The following ERBB4 variants were observed in gnomAD, a reference collection of about 807,000 sequenced individuals.
The protein encoded by ERBB4 is erb-b2 receptor tyrosine kinase 4, also known as receptor tyrosine-protein kinase erbB-4.
Under a neutral mutation model 158.0 loss-of-function variants are expected in ERBB4, and 42 were observed. That is an observed-to-expected ratio of 0.27 (90% CI 0.21 to 0.34). ERBB4 has a LOEUF of 0.34. ERBB4 is among the 10% of genes least tolerant of loss of function. The pLI is 1.00. For synonymous variants in ERBB4, 583 were observed against 558.7 expected, an observed-to-expected ratio of 1.04 and a Z score of -0.61; for missense variants, 1,333 against 1,624.1, an observed-to-expected ratio of 0.82 and a Z score of 3.08.
intron 1 of ERBB4, among the ~76,000 whole-genome samples, chr2:212,506,995 G>C (rs1007538333): frequency 6.6e-6 from 1 of 152,086 alleles, no homozygotes; most frequent in East Asian, 1.9e-4. Context: ...CAAAGGACAG[G>C]CTGACTGTTT....
chr2:212,441,664 C>T (rs2092256577), intron 1 of ERBB4, among the ~76,000 whole-genome samples: 1 of 151,710 alleles, frequency 6.6e-6, no homozygotes. Flanking sequence ...AATAGGGGCT[C>T]TGCTTTTAAT....
At chr2:211,405,454 T>G (rs1170777819) in intron 25 of ERBB4, among the ~76,000 whole-genome samples, 2 of 152,082 alleles carry the variant, frequency 1.3e-5, no homozygotes, top group Non-Finnish European at 2.9e-5. Context: ...GGACATACCT[T>G]CCCCTAACTC....
At chr2:211,800,407 G>A (rs915356541) in intron 3 of ERBB4, among the ~76,000 whole-genome samples, 1 of 152,110 alleles carries the variant, frequency 6.6e-6, no homozygotes, top group Non-Finnish European at 1.5e-5. Context: ...TGATGGCTGA[G>A]TTGGCTTTTA....
intron 3 of ERBB4, among the ~76,000 whole-genome samples, chr2:211,939,330 A>C (rs1341088220): frequency 6.6e-6 from 1 of 152,092 alleles, no homozygotes; most frequent in African/African-American, 2.4e-5. Context: ...GTTTCCTTAG[A>C]TGTAAAATTA....
At chr2:211,894,229 C>A (rs1292065406) in intron 3 of ERBB4, among the ~76,000 whole-genome samples, 104 of 137,706 alleles carry the variant, frequency 7.6e-4, no homozygotes, top group Admixed American at 2.3e-3. Flanking sequence ...TACTATGCAG[C>A]CATAAAAAAT....
At chr2:211,989,177 G>A (rs1575479794) in intron 2 of ERBB4, among the ~76,000 whole-genome samples, 1 of 151,892 alleles carries the variant, frequency 6.6e-6, no homozygotes, top group East Asian at 1.9e-4. Flanking sequence ...ATTATAATGA[G>A]TTTCTAAAAA....
intron 10 of ERBB4, 28 bp from the exon 11 acceptor site, chr2:211,704,222 T>G: frequency 7.4e-7 from 1 of 1,358,562 alleles, no homozygotes; most frequent in Non-Finnish European, 1.1e-6. Context: ...AAAAAATAAA[T>G]CAGAATATCA....
At chr2:211,648,145 T>C (rs2070845943) in intron 16 of ERBB4, among the ~76,000 whole-genome samples, 1 of 151,872 alleles carries the variant, frequency 6.6e-6, no homozygotes, top group African/African-American at 2.4e-5. Flanking sequence ...AATAAACGTC[T>C]CCAATTTGTT....
At chr2:211,990,861 T>C (rs2082056816) in intron 2 of ERBB4, among the ~76,000 whole-genome samples, 1 of 151,962 alleles carries the variant, frequency 6.6e-6, no homozygotes, top group Non-Finnish European at 1.5e-5. Context: ...AAGTTTAGAT[T>C]TCTTATGTGA....
intron 3 of ERBB4, among the ~76,000 whole-genome samples, chr2:211,845,466 G>A (rs1167147815): frequency 1.3e-5 from 2 of 152,130 alleles, no homozygotes; most frequent in Non-Finnish European, 2.9e-5. Flanking sequence ...CTTCATTGCT[G>A]TTTTTGGTAC....
intron 25 of ERBB4, among the ~76,000 whole-genome samples, chr2:211,418,321 C>G (rs1380225515): frequency 6.6e-6 from 1 of 151,946 alleles, no homozygotes; most frequent in African/African-American, 2.4e-5. Context: ...GTAAAAGTTA[C>G]GTAAAGCCAG....
At chr2:212,497,056 T>C (rs557738082) in intron 1 of ERBB4, among the ~76,000 whole-genome samples, 7 of 151,402 alleles carry the variant, frequency 4.6e-5, no homozygotes, top group Non-Finnish European at 7.4e-5. Context: ...CATGCGCCTG[T>C]AATCCCAGCT....
At chr2:212,187,811 A>G (rs1466692478) in intron 1 of ERBB4, among the ~76,000 whole-genome samples, 6 of 152,146 alleles carry the variant, frequency 3.9e-5, no homozygotes, top group Non-Finnish European at 8.8e-5. Context: ...TTTCAGAGAC[A>G]TGAGTGATCT....
intron 3 of ERBB4, among the ~76,000 whole-genome samples, chr2:211,922,947 G>T (rs993994934): frequency 1.3e-5 from 2 of 152,126 alleles, no homozygotes; most frequent in African/African-American, 2.4e-5. Context: ...TTGTGAGATT[G>T]TGAATAAATG....
chr2:211,874,780 G>A (rs1156282416), intron 3 of ERBB4, among the ~76,000 whole-genome samples: 1 of 152,058 alleles, frequency 6.6e-6, no homozygotes, highest in Non-Finnish European at 1.5e-5. Context: ...TGAGGCATTT[G>A]TTTTTCATTT....
At chr2:212,490,794 A>G (rs1319825803) in intron 1 of ERBB4, among the ~76,000 whole-genome samples, 2 of 151,864 alleles carry the variant, frequency 1.3e-5, no homozygotes, top group Non-Finnish European at 3.0e-5. Context: ...GCCCTTGCAT[A>G]GTTTATGTTA....
At chr2:212,156,750 T>G (rs912778251) in intron 1 of ERBB4, among the ~76,000 whole-genome samples, 1 of 152,140 alleles carries the variant, frequency 6.6e-6, no homozygotes, top group Non-Finnish European at 1.5e-5. Flanking sequence ...CTTAGCTTAG[T>G]GTATGAACCT....
chr2:211,597,050 G>GCCA (rs1182894877), intron 19 of ERBB4, among the ~76,000 whole-genome samples: 4 of 152,162 alleles, frequency 2.6e-5, no homozygotes, highest in Admixed American at 6.5e-5. Flanking sequence ...ACAAGCATGA[G>GCCA]CCACTGCATC....
chr2:211,881,548 T>A (rs2078661958), intron 3 of ERBB4, among the ~76,000 whole-genome samples: 1 of 119,716 alleles, frequency 8.4e-6, no homozygotes, highest in South Asian at 2.6e-4. Context: ...ATGGGCAACA[T>A]GGAGCAGCTC....
Sources: allele counts gnomAD v4.1 joint callset (sites outside exome capture counted in the v4.1 genomes callset), GRCh38; gene constraint gnomAD v4.1.1; transcripts MANE v1.5; gene names NCBI Gene and HGNC (gene_info 2026-07-23, HGNC 2026-07-21).